Variants in RBFOX1 observed in about 807,000 individuals in gnomAD.
RBFOX1 encodes the protein RNA binding fox-1 homolog 1.
Under a neutral mutation model 57.7 loss-of-function variants are expected in RBFOX1, and 8 were observed. That is an observed-to-expected ratio of 0.14 (90% CI 0.08 to 0.25). The LOEUF (loss-of-function observed/expected upper bound fraction) is 0.25, where lower values mean the gene tolerates loss of function less well. RBFOX1 is among the 10% of genes least tolerant of loss of function. The pLI, the probability that RBFOX1 is intolerant of heterozygous loss-of-function variation, is 1.00. For synonymous variants in RBFOX1, 326 were observed against 222.4 expected (o/e 1.47, Z -4.15); for missense variants, 611 against 548.5 (o/e 1.11, Z -1.14).
At chr16:5,697,527 T>A (rs1228656917) in intron 3 of RBFOX1, among the ~76,000 whole-genome samples, 3 of 127,722 alleles carry the variant, frequency 2.3e-5, no homozygotes, top group South Asian at 2.6e-4. Flanking sequence ...TTTCTTTTCT[T>A]TTCTATTCTT....
intron 3 of RBFOX1, among the ~76,000 whole-genome samples, chr16:5,655,719 G>A (rs1054158315): frequency 6.6e-6 from 1 of 152,184 alleles, no homozygotes; most frequent in Non-Finnish European, 1.5e-5. Context: ...TAACCCTTGA[G>A]AAGGTCGAAG....
chr16:7,535,761 C>A (rs192371041), intron 5 of RBFOX1, among the ~76,000 whole-genome samples: 5 of 152,336 alleles, frequency 3.3e-5, no homozygotes, highest in Non-Finnish European at 7.3e-5. Flanking sequence ...AACAATTTTA[C>A]AACCACTTAA....
chr16:5,759,946 A>T (rs924493987), intron 3 of RBFOX1, among the ~76,000 whole-genome samples: 1 of 151,934 alleles, frequency 6.6e-6, no homozygotes, highest in Non-Finnish European at 1.5e-5. Flanking sequence ...GCGTATTTCA[A>T]CTGCACTGAA....
At chr16:7,390,109 G>A (rs937775508) in intron 4 of RBFOX1, among the ~76,000 whole-genome samples, 1 of 152,076 alleles carries the variant, frequency 6.6e-6, no homozygotes, top group Non-Finnish European at 1.5e-5. Flanking sequence ...AGAGCGAGAA[G>A]GGAGAGGGGC....
intron 3 of RBFOX1, among the ~76,000 whole-genome samples, chr16:6,969,817 C>T (rs1279545514): frequency 1.3e-5 from 2 of 152,042 alleles, no homozygotes; most frequent in African/African-American, 2.4e-5. Flanking sequence ...GTTGCCTCAT[C>T]CTCGTTCTGG....
chr16:7,135,050 C>T (rs1274097311), intron 4 of RBFOX1, among the ~76,000 whole-genome samples: 1 of 151,338 alleles, frequency 6.6e-6, no homozygotes, highest in Non-Finnish European at 1.5e-5. Context: ...TAAAATAAAA[C>T]AAAATAAAGA....
intron 4 of RBFOX1, among the ~76,000 whole-genome samples, chr16:7,466,626 C>G (rs553034950): frequency 6.6e-6 from 1 of 152,170 alleles, no homozygotes; most frequent in Non-Finnish European, 1.5e-5. Flanking sequence ...CACTCACTAG[C>G]TGTGTGTCCT....
chr16:7,408,765 G>T (rs1476292990), intron 4 of RBFOX1, among the ~76,000 whole-genome samples: 1 of 152,098 alleles, frequency 6.6e-6, no homozygotes, highest in African/African-American at 2.4e-5. Context: ...TCCACTTTAT[G>T]CCAGTAGCAT....
chr16:6,774,382 G>C (rs2078974425), intron 3 of RBFOX1, among the ~76,000 whole-genome samples: 1 of 152,106 alleles, frequency 6.6e-6, no homozygotes, highest in Non-Finnish European at 1.5e-5. Context: ...ATAACAAATT[G>C]AGCAATTGTG....
intron 2 of RBFOX1, among the ~76,000 whole-genome samples, chr16:6,460,328 G>C (rs1465551096): frequency 2.0e-5 from 3 of 151,976 alleles, no homozygotes; most frequent in Non-Finnish European, 4.4e-5. Flanking sequence ...TATAGGATGA[G>C]AGAAAATTTT....
intron 4 of RBFOX1, among the ~76,000 whole-genome samples, chr16:7,272,296 T>C (rs1434962150): frequency 6.6e-6 from 1 of 152,166 alleles, no homozygotes; most frequent in East Asian, 1.9e-4. Flanking sequence ...GTGATTGTCC[T>C]GCCTCGGCCT....
intron 4 of RBFOX1, among the ~76,000 whole-genome samples, chr16:7,405,300 C>G (rs573613277): frequency 3.9e-5 from 6 of 152,204 alleles, no homozygotes; most frequent in African/African-American, 4.8e-5. Context: ...CCTGGTAGCC[C>G]CCCCGCTGCA....
intron 3 of RBFOX1, among the ~76,000 whole-genome samples, chr16:6,800,319 G>C (rs1483464972): frequency 6.6e-6 from 1 of 152,170 alleles, no homozygotes; most frequent in Non-Finnish European, 1.5e-5. Context: ...AGACGGGCTG[G>C]TAGTACCAAA....
At chr16:6,208,550 C>T (rs966069011) in intron 1 of RBFOX1, among the ~76,000 whole-genome samples, 1 of 152,282 alleles carries the variant, frequency 6.6e-6, no homozygotes, top group South Asian at 2.1e-4. Context: ...AGACACAATT[C>T]TCTCCCCTTT....
At chr16:5,260,166 C>T (rs1187088241) in intron 1 of RBFOX1, among the ~76,000 whole-genome samples, 1 of 152,300 alleles carries the variant, frequency 6.6e-6, no homozygotes, top group East Asian at 1.9e-4. Flanking sequence ...TACCACTGCA[C>T]TCCAATGTGG....
chr16:5,386,259 G>A (rs2066252508), intron 1 of RBFOX1, among the ~76,000 whole-genome samples: 2 of 152,018 alleles, frequency 1.3e-5, no homozygotes, highest in African/African-American at 2.4e-5. Flanking sequence ...AGAAGGCTGG[G>A]GGTGGGTAGA....
At chr16:5,810,010 T>A (rs2055363440) in intron 3 of RBFOX1, among the ~76,000 whole-genome samples, 1 of 151,996 alleles carries the variant, frequency 6.6e-6, no homozygotes, top group Non-Finnish European at 1.5e-5. Context: ...AAAGGATGAG[T>A]TCATGTCCTT....
At chr16:6,819,572 G>A (rs375760081) in intron 3 of RBFOX1, among the ~76,000 whole-genome samples, 91 of 151,938 alleles carry the variant, frequency 6.0e-4, no homozygotes, top group African/African-American at 1.9e-3. Context: ...GCCTGTTGGC[G>A]TGTATGCCTG....
intron 1 of RBFOX1, among the ~76,000 whole-genome samples, chr16:6,171,934 G>A (rs905961747): frequency 2.0e-5 from 3 of 151,992 alleles, no homozygotes; most frequent in Admixed American, 2.0e-4. Context: ...TGATTGTCCT[G>A]CCTCAGCCTC....
Sources: gnomAD v4.1 joint callset for allele counts (sites outside exome capture counted in the v4.1 genomes callset) on GRCh38, gnomAD v4.1.1 for gene constraint, MANE v1.5 for transcripts, NCBI Gene and HGNC (gene_info 2026-07-23, HGNC 2026-07-21) for gene names.